The following C2orf66 variants were observed in gnomAD, a reference collection of about 807,000 sequenced individuals.
C2orf66 encodes the protein chromosome 2 open reading frame 66, also known as uncharacterized protein C2orf66.
Under a neutral mutation model 7.0 loss-of-function variants are expected in C2orf66, and 6 were observed. The ratio of observed to expected loss-of-function variants is 0.86; its 90% confidence interval spans 0.47 to 1.69. C2orf66 has a LOEUF of 1.69. C2orf66 is among the 40% of genes most tolerant of loss of function. The pLI is 0.01. For synonymous variants in C2orf66, 38 were observed against 43.8 expected (o/e 0.87, Z 0.52); for missense variants, 107 against 112.0 (o/e 0.96, Z 0.20).
the C2orf66 span, among the ~76,000 whole-genome samples, chr2:196,814,987 C>T: frequency 6.6e-6 from 1 of 151,976 alleles, no homozygotes; most frequent in African/African-American, 2.4e-5. Flanking sequence ...TTTTAAGAGA[C>T]AGGGCCGTAC....
chr2:196,828,731 G>T, the C2orf66 span, among the ~76,000 whole-genome samples: 1 of 152,180 alleles, frequency 6.6e-6, no homozygotes, highest in Admixed American at 6.5e-5. Context: ...AAACTCTCTT[G>T]CTGGTTTTGA....
At chr2:196,825,752 T>C in the C2orf66 span, among the ~76,000 whole-genome samples, 8 of 152,130 alleles carry the variant, frequency 5.3e-5, no homozygotes, top group Non-Finnish European at 1.2e-4. Context: ...ATCTAACAAA[T>C]GAAGTTACCA....
At chr2:196,821,390 G>A in the C2orf66 span, among the ~76,000 whole-genome samples, 2 of 152,160 alleles carry the variant, frequency 1.3e-5, no homozygotes, top group Admixed American at 6.5e-5. Context: ...GGCCAATCAC[G>A]GAGGAAGACT....
chr2:196,824,371 G>T, the C2orf66 span, among the ~76,000 whole-genome samples: 2 of 152,078 alleles, frequency 1.3e-5, no homozygotes, highest in African/African-American at 4.8e-5. Flanking sequence ...GACAAAGTAT[G>T]CATGAAAAGG....
chr2:196,822,038 C>T, the C2orf66 span, among the ~76,000 whole-genome samples: 1 of 145,132 alleles, frequency 6.9e-6, no homozygotes, highest in Non-Finnish European at 1.5e-5. Context: ...CCTCAGCTTC[C>T]CGAGTGGCTG....
the C2orf66 span, among the ~76,000 whole-genome samples, chr2:196,821,225 A>G: frequency 6.6e-6 from 1 of 152,196 alleles, no homozygotes; most frequent in Non-Finnish European, 1.5e-5. Flanking sequence ...GCATGGCCCT[A>G]CCCATGCCTG....
chr2:196,828,228 T>TCACACACACACA, the C2orf66 span, among the ~76,000 whole-genome samples: 8 of 127,328 alleles, frequency 6.3e-5, no homozygotes, highest in African/African-American at 2.8e-4. Context: ...TCTCTCTCTC[T>TCACACACACACA]CTCACACACA....
the C2orf66 span, among the ~76,000 whole-genome samples, chr2:196,819,807 T>C: frequency 7.9e-5 from 12 of 152,234 alleles, no homozygotes; most frequent in Admixed American, 6.5e-4. Context: ...CCTTGTTACA[T>C]TTCTATTTTG....
At chr2:196,821,812 A>C in the C2orf66 span, among the ~76,000 whole-genome samples, 1 of 152,078 alleles carries the variant, frequency 6.6e-6, no homozygotes, top group South Asian at 2.1e-4. Context: ...AGAGAAGAGA[A>C]AAAAATAAGG....
At chr2:196,810,394 AC>A (rs1699863034), upstream of C2orf66, 1 of 152,206 alleles carries the variant, frequency 6.6e-6, no homozygotes. Context: ...TTTGACCTAT[AC>A]CTTGTACTTT....
intron 1 of C2orf66, among the ~76,000 whole-genome samples, chr2:196,807,825 A>C (rs752023187): frequency 9.2e-5 from 14 of 152,160 alleles, no homozygotes; most frequent in African/African-American, 1.2e-4. Context: ...TTCAACCCTA[A>C]CCAAAATAAT....
the C2orf66 span, among the ~76,000 whole-genome samples, chr2:196,814,841 G>C: frequency 2.0e-5 from 3 of 152,124 alleles, no homozygotes; most frequent in African/African-American, 7.2e-5. Context: ...AATATTTATA[G>C]TTTCTCAAAG....
Position 196,804,587 on chromosome 2 carries a change from T to C in C2orf66, c.*841A>G, listed in dbSNP as rs1407037569. Among the ~76,000 whole-genome samples the C allele has an allele frequency of 1.3e-5, 2 of 152,228 alleles. No homozygotes were observed. Among genetic ancestry groups the C allele is most frequent in the East Asian group, 3.8e-4 (2 of 5,198 alleles). ...AAGATGATGCAGCTATCTATAAAGATACAGGAAAAGCAGCTATTCCAAATG... is the reference window on the plus strand; with the variant it reads ...AAGATGATGCAGCTATCTATAAAGACACAGGAAAAGCAGCTATTCCAAATG... On this transcript the variant is annotated 3_prime_UTR_variant, in exon 3 of 3. Transcript: ENST00000342506.
At chr2:196,813,256 C>T (rs895960938), upstream of C2orf66, among the ~76,000 whole-genome samples, 1 of 152,042 alleles carries the variant, frequency 6.6e-6, no homozygotes, top group Non-Finnish European at 1.5e-5. Flanking sequence ...CAGAACAGAG[C>T]CCTCAGAAAT....
the C2orf66 span, among the ~76,000 whole-genome samples, chr2:196,822,786 GCT>G: frequency 6.6e-6 from 1 of 151,992 alleles, no homozygotes; most frequent in Admixed American, 6.6e-5. Context: ...AAGTTATTTT[GCT>G]CTGTTTTAAC....
intron 2 of C2orf66, among the ~76,000 whole-genome samples, chr2:196,806,130 C>G (rs1392901176): frequency 1.4e-4 from 21 of 152,142 alleles, no homozygotes; most frequent in Non-Finnish European, 4.4e-5. Flanking sequence ...ATTCCATTCC[C>G]TTTATTATTC....
the C2orf66 span, among the ~76,000 whole-genome samples, chr2:196,828,387 G>A: frequency 6.6e-6 from 1 of 152,044 alleles, no homozygotes; most frequent in African/African-American, 2.4e-5. Context: ...TCAGCTCCTT[G>A]AGTTAAAACT....
chr2:196,827,376 A>T, the C2orf66 span, among the ~76,000 whole-genome samples: 2 of 152,242 alleles, frequency 1.3e-5, no homozygotes, highest in South Asian at 4.2e-4. Context: ...TATATGACAA[A>T]CTTTTTCTAA....
chr2:196,807,768 T>G (rs1559311626), intron 1 of C2orf66, 146 bp from the exon 2 acceptor site: 2 of 653,766 alleles, frequency 3.1e-6, no homozygotes, highest in Non-Finnish European at 5.2e-6. Flanking sequence ...TACAAGTACA[T>G]GCTTCAGCTA....
Sources: allele counts gnomAD v4.1 joint callset (sites outside exome capture counted in the v4.1 genomes callset), GRCh38; gene constraint gnomAD v4.1.1; transcripts MANE v1.5; gene names NCBI Gene and HGNC (gene_info 2026-07-23, HGNC 2026-07-21).